RIN2: variants seen among roughly 807,000 people sequenced by gnomAD.
The protein encoded by RIN2 is Ras and Rab interactor 2, also known as RAB5 interacting protein 2.
In RIN2, 36 loss-of-function variants were observed where a neutral mutation model predicts 78.0. The observed-to-expected ratio is 0.46, with a 90% CI of 0.35 to 0.61. RIN2 has a LOEUF of 0.61. Ranked by LOEUF, RIN2 falls within the 20% of genes least tolerant of loss-of-function variation. The probability of loss-of-function intolerance (pLI) is 0.00; values close to 1 mark genes in which losing one functional copy is unlikely to be tolerated. For synonymous variants in RIN2, 466 were observed against 466.8 expected, an observed-to-expected ratio of 1.00 and a Z score of 0.02; for missense variants, 1,087 against 1,159.7, an observed-to-expected ratio of 0.94 and a Z score of 0.91.
chr20:19,928,478 T>G (rs1000731444), intron 3 of RIN2, among the ~76,000 whole-genome samples: 4 of 152,156 alleles, frequency 2.6e-5, no homozygotes, highest in Non-Finnish European at 4.4e-5. Context: ...GAATGGCCCC[T>G]TGGATGAGGT....
chr20:19,879,218 C>A (rs899150594), intron 2 of RIN2, among the ~76,000 whole-genome samples: 1 of 152,198 alleles, frequency 6.6e-6, no homozygotes, highest in African/African-American at 2.4e-5. Flanking sequence ...TTGCTGCCAC[C>A]AAAACCACCT....
At chr20:19,892,487 A>G (rs1806997) in intron 3 of RIN2, among the ~76,000 whole-genome samples, 93,329 of 152,084 alleles carry the variant, frequency 0.61, 28,781 homozygotes, top group East Asian at 0.7. Context: ...TGCTGGGATT[A>G]CAGGCATGAG....
intron 9 of RIN2, among the ~76,000 whole-genome samples, chr20:19,982,888 G>A (rs944379790): frequency 6.6e-6 from 1 of 152,184 alleles, no homozygotes; most frequent in Non-Finnish European, 1.5e-5. Context: ...CAACTGTAAG[G>A]CATGTTCAAC....
At chr20:19,870,516 G>T (rs6112625) in intron 2 of RIN2, among the ~76,000 whole-genome samples, 37,034 of 152,012 alleles carry the variant, frequency 0.24, 4,682 homozygotes, top group East Asian at 0.32. Context: ...GCACGATGGT[G>T]CACGTCTGTA....
chr20:19,901,738 C>T (rs927743557), intron 3 of RIN2, among the ~76,000 whole-genome samples: 12 of 152,058 alleles, frequency 7.9e-5, no homozygotes, highest in Admixed American at 4.6e-4. Flanking sequence ...ATAAACAGGT[C>T]GAGTGCGGTG....
At chr20:19,788,447 A>AAACAAAAAAAAAAAAAAAAAAC (rs1568752745) in intron 1 of RIN2, among the ~76,000 whole-genome samples, 1 of 150,490 alleles carries the variant, frequency 6.6e-6, no homozygotes, top group African/African-American at 2.5e-5. Flanking sequence ...AAAAAAAAAA[A>AAACAAAAAAAAAAAAAAAAAAC]AACAACTAGC....
intron 2 of RIN2, chr20:19,872,426 T>C (rs2037717534): frequency 6.6e-6 from 1 of 151,778 alleles, no homozygotes; most frequent in East Asian, 1.9e-4. Context: ...AAGGTGGGAG[T>C]GGGGATAAAA....
At chr20:19,788,450 C>CAAAAAAAA (rs908072671) in intron 1 of RIN2, among the ~76,000 whole-genome samples, 12 of 103,484 alleles carry the variant, frequency 1.2e-4, no homozygotes, top group African/African-American at 3.5e-4. Context: ...AAAAAAAAAA[C>CAAAAAAAA]AACTAGCTAG....
chr20:19,915,477 A>C (rs925305651), intron 3 of RIN2, among the ~76,000 whole-genome samples: 53 of 152,152 alleles, frequency 3.5e-4, no homozygotes, highest in Admixed American at 9.2e-4. Flanking sequence ...CCTGCAGTAG[A>C]GCCATCACAA....
intron 2 of RIN2, among the ~76,000 whole-genome samples, chr20:19,844,595 T>TGCTTCCTCC (rs1377675880): frequency 5.6e-4 from 33 of 58,484 alleles, no homozygotes; most frequent in Admixed American, 1.6e-3. Context: ...CTGCTGCTGC[T>TGCTTCCTCC]TCTTCCTCTT....
chr20:19,907,055 C>T (rs776492600), intron 3 of RIN2, among the ~76,000 whole-genome samples: 4 of 152,050 alleles, frequency 2.6e-5, no homozygotes, highest in Admixed American at 1.3e-4. Context: ...CTTCTTGCTG[C>T]GTCATTCCAT....
chr20:19,952,516 G>A (rs2041360889), intron 4 of RIN2, among the ~76,000 whole-genome samples: 1 of 152,246 alleles, frequency 6.6e-6, no homozygotes, highest in Non-Finnish European at 1.5e-5. Flanking sequence ...GCAAAGGCAA[G>A]GGATAATTAT....
intron 6 of RIN2, among the ~76,000 whole-genome samples, chr20:19,964,259 T>TA (rs1568670288): frequency 2.0e-5 from 3 of 150,480 alleles, no homozygotes; most frequent in East Asian, 2.0e-4. Context: ...ATCTTTGTTT[T>TA]AAAAAAAAGT....
At chr20:19,888,428 G>A (rs2038292935) in intron 2 of RIN2, among the ~76,000 whole-genome samples, 1 of 152,182 alleles carries the variant, frequency 6.6e-6, no homozygotes, top group South Asian at 2.1e-4. Context: ...CGCCCTCAAT[G>A]TCCTGTTTGT....
intron 2 of RIN2, among the ~76,000 whole-genome samples, chr20:19,851,057 A>AAAGGAAGGAAGGAAGG (rs142938284): frequency 2.6e-4 from 34 of 132,606 alleles, no homozygotes; most frequent in African/African-American, 1.0e-3. Flanking sequence ...AAGGAGAAAG[A>AAAGGAAGGAAGGAAGG]AAGGAAGGAA....
rs750544290 is a variant in RIN2, at chr20:19,974,746, C to A, written c.721C>A (p.Arg241Ser). ...CGACGGTGTCTGTCCTGCCTCCCTG[C>A]GTCAGCTCTGCCTTATAAATGGAGT... ...SSDGVCPASL[R>S]QLCLINGVHS... Residue 241 changes from arginine to serine, a missense_variant, in exon 9 of 13, where the codon CGT (arginine) becomes AGT (serine). Physicochemically the swap from Arg to Ser is moderately radical, Grantham distance 110. Around this residue, in one of 8 missense-constraint regions of RIN2, gnomAD observed 706 missense variants for 667.5 expected, o/e 1.06. Transcript: ENST00000255006. 2.0e-5 allele frequency: 33 copies of A among 1,613,904 alleles called. 1 individual carries two copies. The South Asian group carries it at 3.6e-4, about 18-fold the overall frequency.
chr20:19,904,239 AAATATATATATATATATATATAAAAT>A (rs2039118045), intron 3 of RIN2, among the ~76,000 whole-genome samples: 1 of 116,224 alleles, frequency 8.6e-6, no homozygotes, highest in Non-Finnish European at 1.9e-5. Flanking sequence ...CTCAAAAAAA[AAATATATATATATATATATATAAAAT>A]ATATATATAT....
chr20:19,916,991 T>A lies in RIN2; in HGVS notation c.58-18108T>A, dbSNP rs2039709549. ...GCGCAGGAAAAGTACAACTCAGAGT[T>A]TACAACGAGAAAAAGTGAAAACCAC... is the stretch of plus-strand genomic sequence containing the variant. On this transcript the variant is annotated intron_variant, in intron 3 of 12. Coordinates refer to ENST00000255006, the MANE Select transcript of RIN2 (RefSeq NM_018993.4). Among the ~76,000 whole-genome samples, 11 of 151,980 alleles carry A rather than the reference T, an allele frequency of 7.2e-5. No individual in the cohort carries two copies. In the South Asian group the frequency reaches 2.3e-3, roughly 31 times the overall value.
At chr20:19,918,325 G>GA (rs997438030) in intron 3 of RIN2, among the ~76,000 whole-genome samples, 2 of 151,074 alleles carry the variant, frequency 1.3e-5, no homozygotes, top group African/African-American at 4.9e-5. Flanking sequence ...TTCAAAAAAC[G>GA]AAAAAACGTG....
Sources: allele counts gnomAD v4.1 joint callset (sites outside exome capture counted in the v4.1 genomes callset), GRCh38; gene constraint gnomAD v4.1.1; regional missense constraint gnomAD v4.1.1; transcripts MANE v1.5; gene names NCBI Gene and HGNC (gene_info 2026-07-23, HGNC 2026-07-21).